Variants in SCN8A observed in about 807,000 individuals in gnomAD.
The protein encoded by SCN8A is sodium channel protein type 8 subunit alpha.
In SCN8A, 30 loss-of-function variants were observed where a neutral mutation model predicts 184.1. The ratio of observed to expected loss-of-function variants is 0.16; its 90% CI spans 0.12 to 0.22. SCN8A has a LOEUF of 0.22. Among genes scored for constraint, SCN8A ranks in the 10% least tolerant of loss-of-function variants. SCN8A has a pLI of 1.00. For synonymous variants in SCN8A, 852 were observed against 907.0 expected, an observed-to-expected ratio of 0.94 and a Z score of 1.09; for missense variants, 1,057 against 2,498.9, an observed-to-expected ratio of 0.42 and a Z score of 12.30.
intron 2 of SCN8A, among the ~76,000 whole-genome samples, chr12:51,663,455 T>A (rs1940965211): frequency 6.6e-6 from 1 of 152,236 alleles, no homozygotes; most frequent in South Asian, 2.1e-4. Context: ...AAAGATGTTG[T>A]TACTATTGTG....
chr12:51,786,660 A>G lies in SCN8A; in HGVS notation c.4061A>G (p.His1354Arg), dbSNP rs767611544. The change falls in exon 22 of 27, where the codon CAC becomes CGC. Residue 1354 changes from histidine to arginine, a missense_variant. His to Arg is a conservative substitution (Grantham distance 29). Transcript: ENST00000627620. Reference sequence around the variant, plus strand: ...GTTAACTTGTTTGCGGGAAAGTACCACTACTGCTTTAATGAGACTTCTGAA... The same window carrying G: ...GTTAACTTGTTTGCGGGAAAGTACCGCTACTGCTTTAATGAGACTTCTGAA... ...MGVNLFAGKY[H>R]YCFNETSEIR... 2 of 1,614,018 alleles carry G rather than the reference A, an allele frequency of 1.2e-6. No individual in the cohort carries two copies. Among genetic ancestry groups the G allele is most frequent in the Non-Finnish European group, 1.7e-6 (2 of 1,179,904 alleles).
In SCN8A at chr12:51,810,595, C is replaced by T. The variant is rs1379212260; in HGVS notation, c.*3166C>T. 1.9e-5 allele frequency: 3 copies of T among 155,068 alleles called. No individual in the cohort carries two copies. The highest frequency in any genetic ancestry group is 7.2e-5 in the African/African-American group (3 of 41,452). The allele number at this position is 155,068 out of a possible 1,614,324, so 9.6% of individuals were successfully genotyped here. The stretch of plus-strand genomic sequence containing the variant: ...CCAGGTCCTTGGTGCAGTATTTATA[C>T]TCCACAATCCACCTTTTAAAAAAAG... On this transcript the variant is annotated 3_prime_UTR_variant, in exon 27 of 27. Coordinates refer to ENST00000627620, the MANE Select transcript of SCN8A (RefSeq NM_001330260.2).
intron 13 of SCN8A, among the ~76,000 whole-genome samples, chr12:51,749,421 A>G (rs1479188603): frequency 6.6e-6 from 1 of 152,226 alleles, no homozygotes; most frequent in Non-Finnish European, 1.5e-5. Flanking sequence ...CGTGCCAATG[A>G]GCAACAGTCG....
At chr12:51,737,588 G>A (rs1323135825) in intron 12 of SCN8A, among the ~76,000 whole-genome samples, 1 of 152,170 alleles carries the variant, frequency 6.6e-6, no homozygotes, top group Non-Finnish European at 1.5e-5. Flanking sequence ...CCTACGTATG[G>A]TTACTTTTTG....
At chr12:51,593,157 A>G (rs1939268674) in intron 1 of SCN8A, among the ~76,000 whole-genome samples, 1 of 152,020 alleles carries the variant, frequency 6.6e-6, no homozygotes, top group African/African-American at 2.4e-5. Flanking sequence ...TCCCTGAAAG[A>G]GGATTTGGTT....
At chr12:51,643,934 A>T (rs1471862193) in intron 1 of SCN8A, among the ~76,000 whole-genome samples, 1 of 152,246 alleles carries the variant, frequency 6.6e-6, no homozygotes, top group Non-Finnish European at 1.5e-5. Context: ...TTCTCATTGA[A>T]TGGATAAATT....
chr12:51,686,599 T>A (rs940586544), intron 4 of SCN8A, 142 bp downstream of exon 4: 6 of 638,356 alleles, frequency 9.4e-6, no homozygotes, highest in Non-Finnish European at 1.7e-5. Flanking sequence ...TGAAAGTACA[T>A]GTGGAATTTA....
At chr12:51,755,908 T>C (rs1008184202) in intron 14 of SCN8A, among the ~76,000 whole-genome samples, 2 of 152,146 alleles carry the variant, frequency 1.3e-5, no homozygotes, top group East Asian at 3.9e-4. Context: ...TTACCTTTTA[T>C]AGCATGGGTA....
At chr12:51,697,428 T>G (rs1941613966) in intron 6 of SCN8A, among the ~76,000 whole-genome samples, 1 of 152,240 alleles carries the variant, frequency 6.6e-6, no homozygotes, top group Non-Finnish European at 1.5e-5. Flanking sequence ...GGTCTTGTGC[T>G]AGGCAGAGCA....
Position 51,806,536 on chromosome 12 carries a change from G to C in SCN8A, c.5050G>C (p.Asp1684His). Reference sequence around the variant, plus strand: ...TGTGAAGCACGAGGCTGGTATCGATGACATGTTCAACTTTGAGACATTTGG... The same window carrying C: ...TGTGAAGCACGAGGCTGGTATCGATCACATGTTCAACTTTGAGACATTTGG... ...AYVKHEAGID[D>H]MFNFETFGNS... Residue 1684 changes from aspartate (D) to histidine (H), a missense_variant, in exon 27 of 27, where the codon GAC becomes CAC. By Grantham distance (81) the Asp-to-His change is moderately conservative. Coordinates refer to ENST00000627620, the MANE Select transcript of SCN8A (RefSeq NM_001330260.2). This position sits in a 1 kb window ranked among gnomAD's most constrained non-coding sequence, Gnocchi z 8.7. 6.2e-7 allele frequency: 1 copy of C among 1,614,158 alleles called. No homozygotes were observed. Among genetic ancestry groups the C allele is most frequent in the Non-Finnish European group, 8.5e-7 (1 of 1,180,034 alleles).
At chr12:51,636,982 G>A (rs546886967) in intron 1 of SCN8A, among the ~76,000 whole-genome samples, 8 of 152,218 alleles carry the variant, frequency 5.3e-5, no homozygotes, top group African/African-American at 1.7e-4. Flanking sequence ...AGTCTGTCGG[G>A]ACCATTTTTT....
At chr12:51,663,115 A>C in intron 2 of SCN8A, 22 bp downstream of exon 2, 1 of 1,611,148 alleles carries the variant, frequency 6.2e-7, no homozygotes, top group Non-Finnish European at 8.5e-7. Flanking sequence ...GAGGAGGAGC[A>C]GCTGCAGATA....
At chr12:51,774,407 C>T (rs1475346386) in intron 20 of SCN8A, 45 bp downstream of exon 20, 1 of 1,543,646 alleles carries the variant, frequency 6.5e-7, no homozygotes, top group Non-Finnish European at 8.7e-7. Context: ...AGCAGGAACA[C>T]AGAAACAGGG....
At position 51,706,628 on chromosome 12, in the gene SCN8A, T is replaced by A; in HGVS notation, c.1548T>A (p.Phe516Leu). ...AGAAAGGGGATCCCGAGAAGGTGTT[T>A]AAGTCAGAGTCAGAAGATGGCATGA... The part of the protein sequence containing the change: ...GEEKGDPEKV[F>L]KSESEDGMRR... Residue 516 changes from phenylalanine (F) to leucine (L), a missense_variant, in exon 11 of 27, where the codon TTT (phenylalanine) becomes TTA (leucine). This residue lies in a region of SCN8A where 322 missense variants were observed against 390.1 expected (regional missense o/e 0.83). Coordinates refer to ENST00000627620, the MANE Select transcript of SCN8A (RefSeq NM_001330260.2). 3 of 1,608,608 alleles carry A rather than the reference T, an allele frequency of 1.9e-6. No homozygotes were observed. Among genetic ancestry groups the A allele is most frequent in the Non-Finnish European group, 2.5e-6 (3 of 1,177,314 alleles).
chr12:51,691,781 C>T (rs1250753407), intron 6 of SCN8A, among the ~76,000 whole-genome samples: 2 of 152,122 alleles, frequency 1.3e-5, no homozygotes, highest in Non-Finnish European at 1.5e-5. Context: ...TTTTTGCTCC[C>T]GATTCTATGT....
intron 12 of SCN8A, among the ~76,000 whole-genome samples, chr12:51,725,474 A>G (rs1942142266): frequency 6.6e-6 from 1 of 152,204 alleles, no homozygotes; most frequent in African/African-American, 2.4e-5. Flanking sequence ...GCCATCATAT[A>G]TTGAGTTCTT....
intron 1 of SCN8A, among the ~76,000 whole-genome samples, chr12:51,592,068 A>AC (rs1939236210): frequency 8.4e-5 from 1 of 11,930 alleles, no homozygotes; most frequent in Non-Finnish European, 1.7e-4. Context: ...CCCACCCCCC[A>AC]CCCCCACGCC....
intron 12 of SCN8A, among the ~76,000 whole-genome samples, chr12:51,730,364 C>G (rs1222744451): frequency 6.6e-6 from 1 of 152,182 alleles, no homozygotes; most frequent in Non-Finnish European, 1.5e-5. Context: ...TTTCTGGACT[C>G]TGTTCTGTTC....
At chr12:51,731,611 G>A (rs1359288608) in intron 12 of SCN8A, among the ~76,000 whole-genome samples, 1 of 152,098 alleles carries the variant, frequency 6.6e-6, no homozygotes, top group South Asian at 2.1e-4. Context: ...GGATCGTAAG[G>A]TAGCTCTATT....
Sources: allele counts gnomAD v4.1 joint callset (sites outside exome capture counted in the v4.1 genomes callset), GRCh38; gene constraint gnomAD v4.1.1; regional missense constraint gnomAD v4.1.1; non-coding constraint Gnocchi (gnomAD v3.1); transcripts MANE v1.5; gene names NCBI Gene and HGNC (gene_info 2026-07-23, HGNC 2026-07-21).